Variants in PCDHGA3 observed in about 807,000 individuals in gnomAD.
PCDHGA3 encodes the protein protocadherin gamma-A3.
Under a neutral mutation model 58.5 loss-of-function variants are expected in PCDHGA3, and 40 were observed. The ratio of observed to expected loss-of-function variants is 0.68; its 90% CI spans 0.53 to 0.89. The LOEUF (loss-of-function observed/expected upper bound fraction) is 0.89, where lower values mean the gene tolerates loss of function less well. Ranked by LOEUF, PCDHGA3 falls within the 40% of genes least tolerant of loss-of-function variation. PCDHGA3 has a pLI of 0.00. For synonymous variants in PCDHGA3, 530 were observed against 525.7 expected (o/e 1.01, Z -0.11); for missense variants, 1,223 against 1,195.9 (o/e 1.02, Z -0.33).
rs1267309332 is a variant in PCDHGA3 at position 141,344,202 on chromosome 5, C to T, written c.169C>T (p.Arg57Trp). The T allele has an allele frequency of 6.2e-7, 1 of 1,614,012 alleles. No homozygotes were observed. The highest frequency in any genetic ancestry group is 1.1e-5 in the South Asian group (1 of 91,086). ...CGCTAACGACCTGGGGCTAGAGCCC[C>T]GGGAGCTGGCGGAGCGCGGAGTCCG... ...NIANDLGLEP[R>W]ELAERGVRIV... The change falls in exon 1 of 4, where the codon CGG (arginine) becomes TGG (tryptophan). Residue 57 changes from arginine to tryptophan, a missense_variant. Physicochemically the swap from Arg to Trp is moderately radical, Grantham distance 101 (BLOSUM62 -3). Around this residue, in one of 3 missense-constraint regions of PCDHGA3, gnomAD observed 791 missense variants for 708.5 expected, o/e 1.12. Coordinates refer to ENST00000253812, the MANE Select transcript of PCDHGA3 (RefSeq NM_018916.4).
At chr5:141,494,902 C>A (rs2099757367) in intron 2 of PCDHGA3, 37 bp downstream of exon 2, 1 of 1,614,024 alleles carries the variant, frequency 6.2e-7, no homozygotes, top group East Asian at 2.2e-5. Context: ...CTCTTCTCTG[C>A]GGCATTTTCT....
chr5:141,404,804 T>A, intron 1 of PCDHGA3: 1 of 1,613,898 alleles, frequency 6.2e-7, no homozygotes, highest in South Asian at 1.1e-5. Context: ...AGGGCTCTTC[T>A]CGGTGGGGCT....
At chr5:141,351,878 G>A (rs752047664) in intron 1 of PCDHGA3, 2 of 1,613,298 alleles carry the variant, frequency 1.2e-6, no homozygotes, top group Non-Finnish European at 1.7e-6. Context: ...CGCGCTCAGC[G>A]CCAACGTGAG....
chr5:141,485,682 A>G lies in PCDHGA3; in HGVS notation c.2425-9125A>G, dbSNP rs779441999. Reference sequence around the variant, plus strand: ...GTGGGGAGCAATTCGATTAGCAGCTATAGGCTGAGCTCCAATGAACACTTT... The same window carrying G: ...GTGGGGAGCAATTCGATTAGCAGCTGTAGGCTGAGCTCCAATGAACACTTT... On this transcript the variant is annotated intron_variant, in intron 1 of 3. Coordinates refer to ENST00000253812, the MANE Select transcript of PCDHGA3 (RefSeq NM_018916.4). This position sits in a 1 kb window ranked among gnomAD's most constrained non-coding sequence, Gnocchi z 5.7. 6.2e-7 allele frequency: 1 copy of G among 1,614,076 alleles called. No homozygotes were observed. Among genetic ancestry groups the G allele is most frequent in the Non-Finnish European group, 8.5e-7 (1 of 1,179,964 alleles).
At position 141,371,314 on chromosome 5, in the gene PCDHGA3, T is replaced by G. The variant is rs763858209; in HGVS notation, c.2424+24857T>G. The G allele has an allele frequency of 6.8e-6, 11 of 1,613,964 alleles. No individual in the cohort carries two copies. The East Asian group carries it at 2.2e-4, about 33-fold the overall frequency. The stretch of plus-strand genomic sequence containing the variant: ...GGGGAACTCACCACTATTGGAGAAC[T>G]GGACTTTGAAGAGAGAGATAGCTAC... On this transcript the variant is annotated intron_variant, in intron 1 of 3. Transcript: ENST00000253812.
intron 1 of PCDHGA3, chr5:141,405,262 C>T (rs1352663124): frequency 1.9e-6 from 3 of 1,614,012 alleles, no homozygotes; most frequent in Non-Finnish European, 2.5e-6. Context: ...ACCTGATCTT[C>T]CCCCAGCCCA....
intron 1 of PCDHGA3, chr5:141,423,815 C>G (rs1002418139): frequency 7.9e-7 from 1 of 1,271,358 alleles, no homozygotes; most frequent in African/African-American, 1.6e-5. Context: ...GTGAGTTTTA[C>G]TTTGCCTTTC....
intron 1 of PCDHGA3, among the ~76,000 whole-genome samples, chr5:141,438,609 T>TATAC (rs2098013849): frequency 2.4e-5 from 1 of 41,118 alleles, no homozygotes; most frequent in Non-Finnish European, 3.9e-5. Context: ...TATATATATA[T>TATAC]ATATATATAT....
intron 1 of PCDHGA3, chr5:141,399,573 A>T (rs1431985190): frequency 6.2e-7 from 1 of 1,614,020 alleles, no homozygotes; most frequent in Admixed American, 1.7e-5. Flanking sequence ...TGAACGGCCA[A>T]GTCTCCTACT....
Position 141,366,719 on chromosome 5 carries a change from G to C in PCDHGA3, c.2424+20262G>C, listed in dbSNP as rs775968939. The C allele has an allele frequency of 1.9e-6, 3 of 1,613,834 alleles. No homozygotes were observed. The Admixed American group carries it at 5.0e-5, about 27-fold the overall frequency. ...CGAGCCTCTTCTGATGTCTGATAAG[G>C]TAGATGCAAACAAAGAAGAACGGCG... On this transcript the variant is annotated intron_variant, in intron 1 of 3. Coordinates refer to ENST00000253812, the MANE Select transcript of PCDHGA3 (RefSeq NM_018916.4).
chr5:141,419,350 G>T lies in PCDHGA3; in HGVS notation c.2424+72893G>T, dbSNP rs202038869. 1.1e-4 allele frequency: 173 copies of T among 1,613,730 alleles called. 2 individuals are homozygous for T. The highest frequency in any genetic ancestry group is 2.3e-4 in the Admixed American group (14 of 60,012). ...ACTCTCTCATTGCCAGCGACCTGGA[G>T]TCACGAACGCTGTCGTCCTACGTGT... On this transcript the variant is annotated intron_variant, in intron 1 of 3. Transcript: ENST00000253812.
At chr5:141,469,929 G>C (rs1208858245) in intron 1 of PCDHGA3, among the ~76,000 whole-genome samples, 1 of 152,168 alleles carries the variant, frequency 6.6e-6, no homozygotes, top group Non-Finnish European at 1.5e-5. Context: ...TCAGGAGTTT[G>C]AGACCAGCCT....
intron 1 of PCDHGA3, among the ~76,000 whole-genome samples, chr5:141,480,386 A>G (rs966068994): frequency 6.6e-6 from 1 of 151,826 alleles, no homozygotes; most frequent in Non-Finnish European, 1.5e-5. Context: ...CTACACTTCA[A>G]CCATGGCAAT....
In PCDHGA3 at chr5:141,421,099, G is replaced by A. The variant is rs941392242; in HGVS notation, c.2425-73708G>A. ...GATACTCACAGATCCTGACACTGGA[G>A]ACTTAGAAGTATTTTCCTTCGCTTT... is the stretch of plus-strand genomic sequence containing the variant. On this transcript the variant is annotated intron_variant, in intron 1 of 3. Coordinates refer to ENST00000253812, the MANE Select transcript of PCDHGA3 (RefSeq NM_018916.4). 1.2e-5 allele frequency: 8 copies of A among 680,384 alleles called. No individual in the cohort carries two copies. In the Admixed American group the frequency reaches 1.2e-4, roughly 11 times the overall value. 42.1% of individuals were successfully genotyped at this position (680,384 alleles called of 1,614,324 possible).
chr5:141,405,233 G>A (rs746061797), intron 1 of PCDHGA3: 10 of 1,613,914 alleles, frequency 6.2e-6, no homozygotes, highest in East Asian at 2.2e-5. Flanking sequence ...CTCCCTCACC[G>A]CTGACTCAAG....
At chr5:141,370,338 G>T in intron 1 of PCDHGA3, 1 of 1,456,378 alleles carries the variant, frequency 6.9e-7, no homozygotes, top group Non-Finnish European at 9.2e-7. Context: ...GAACTCTTGG[G>T]ATTATTTAAA....
At chr5:141,502,880 T>TTTTTTTTTTG (rs2099816747) in intron 2 of PCDHGA3, among the ~76,000 whole-genome samples, 1 of 151,000 alleles carries the variant, frequency 6.6e-6, no homozygotes, top group African/African-American at 2.4e-5. Context: ...TTTTTTTTTT[T>TTTTTTTTTTG]GACAGGGAGT....
At chr5:141,394,552 G>C (rs368792885) in intron 1 of PCDHGA3, 1 of 1,614,070 alleles carries the variant, frequency 6.2e-7, no homozygotes, top group Non-Finnish European at 8.5e-7. Flanking sequence ...CTGGCGCCCC[G>C]CTCCGCAGAG....
chr5:141,399,527 T>C lies in PCDHGA3; in HGVS notation c.2424+53070T>C, dbSNP rs781680585. ...GAAAACAACCCTCCTGGGGCCTCCA[T>C]CGCGCAAGTCTGCGCCTCGGACCTG... is the stretch of plus-strand genomic sequence containing the variant. On this transcript the variant is annotated intron_variant, in intron 1 of 3. Transcript: ENST00000253812. The C allele has an allele frequency of 1.4e-4, 229 of 1,613,898 alleles. No homozygotes were observed. The highest frequency in any genetic ancestry group is 1.9e-4 in the Non-Finnish European group (225 of 1,179,892).
Sources: gnomAD v4.1 joint callset for allele counts (sites outside exome capture counted in the v4.1 genomes callset) on GRCh38, gnomAD v4.1.1 for gene constraint, gnomAD v4.1.1 regional missense constraint, Gnocchi (gnomAD v3.1) non-coding constraint, MANE v1.5 for transcripts, NCBI Gene and HGNC (gene_info 2026-07-23, HGNC 2026-07-21) for gene names.